The following HAL variants were observed in gnomAD, a reference collection of about 807,000 sequenced individuals.
HAL encodes the protein histidine ammonia-lyase.
Under a neutral mutation model 81.1 loss-of-function variants are expected in HAL, and 85 were observed. The ratio of observed to expected loss-of-function variants is 1.05; its 90% CI spans 0.88 to 1.25. The LOEUF (loss-of-function observed/expected upper bound fraction) is 1.25, where lower values mean the gene tolerates loss of function less well. Ranked by LOEUF, HAL falls within the 50% of genes most tolerant of loss-of-function variation. The pLI, the probability that HAL is intolerant of heterozygous loss-of-function variation, is 0.00. For missense variants in HAL, 798 were observed against 836.6 expected (o/e 0.95, Z 0.57); for synonymous variants, 301 against 309.2 (o/e 0.97, Z 0.28).
At position 95,995,813 on chromosome 12, in the gene HAL, C is replaced by T. The variant is rs1400933304; in HGVS notation, c.98G>A (p.Arg33Lys). 1 of 1,612,734 alleles carries T rather than the reference C, an allele frequency of 6.2e-7. No homozygotes were observed. Among genetic ancestry groups the T allele is most frequent in the Non-Finnish European group, 8.5e-7 (1 of 1,180,014 alleles). ...TVGWLGREAVRRYIKNKPDNG... is the reference protein window; with the variant it reads ...TVGWLGREAVKRYIKNKPDNG... Reference sequence around the variant, plus strand: ...GTCGGGCTTATTCTTGATATAGCGCCTCACGGCCTCCCGGCCCAGCCAGCC... The same window carrying T: ...GTCGGGCTTATTCTTGATATAGCGCTTCACGGCCTCCCGGCCCAGCCAGCC... The change falls in exon 2 of 21, where the codon AGG becomes AAG. Residue 33 changes from arginine to lysine, a missense_variant. Coordinates refer to ENST00000261208, the MANE Select transcript of HAL (RefSeq NM_002108.4).
intron 18 of HAL, 34 bp downstream of exon 18, chr12:95,977,910 G>A: frequency 1.9e-6 from 3 of 1,612,412 alleles, no homozygotes; most frequent in Non-Finnish European, 2.5e-6. Context: ...TGGTCTATCA[G>A]GCAGGCCCGC....
rs771890261 is a variant in HAL, at chr12:95,976,636, C to T, written c.1725G>A (p.Pro575=). The change falls in exon 19 of 21, where the codon CCG becomes CCA. Residue 575 remains proline, a synonymous_variant. Transcript: ENST00000261208. ...EFLRPLKTTT[P]LEKVYDLVRS... The stretch of plus-strand genomic sequence containing the variant: ...GCACCAGGTCATAGACCTTCTCCAG[C>T]GGAGTGGTTGTTTTCAGGGGACGTA... 7.4e-6 allele frequency: 12 copies of T among 1,612,664 alleles called. No homozygotes were observed. The East Asian group carries it at 2.0e-4, about 27-fold the overall frequency.
In HAL at chr12:95,973,768, C is replaced by A; in HGVS notation, c.*464G>T. ...TGAAGGCATATTAAGGCATATCATG[C>A]AAAGTAAAATTAGCCAAAGAAAGTC... On this transcript the variant is annotated 3_prime_UTR_variant, in exon 21 of 21. Transcript: ENST00000261208. 6.2e-6 allele frequency: 1 copy of A among 162,114 alleles called. No individual in the cohort carries two copies. The highest frequency in any genetic ancestry group is 1.5e-4 in the South Asian group (1 of 6,694). 10.0% of individuals were successfully genotyped at this position (162,114 alleles called of 1,614,324 possible).
chr12:95,994,028 G>A (rs769539188), intron 5 of HAL, 30 bp from the exon 6 acceptor site: 78 of 1,598,720 alleles, frequency 4.9e-5, no homozygotes, highest in Middle Eastern at 1.6e-4. Context: ...AACTGAGCAC[G>A]TTAAAGACTT....
Position 95,995,837 on chromosome 12 carries a change from C to G in HAL, c.74G>C (p.Gly25Ala). The change falls in exon 2 of 21, where the codon GGC becomes GCC. Residue 25 changes from glycine (G) to alanine (A), a missense_variant. Gly to Ala is a moderately conservative substitution (Grantham distance 60). Transcript: ENST00000261208. Reference protein sequence around the residue: ...VPCQDAQLTVGWLGREAVRRY... With the variant: ...VPCQDAQLTVAWLGREAVRRY... ...CCTCACGGCCTCCCGGCCCAGCCAG[C>G]CCACAGTGAGCTGCGCGTCCTGGCA... 6.2e-7 allele frequency: 1 copy of G among 1,611,498 alleles called. No individual in the cohort carries two copies. The highest frequency in any genetic ancestry group is 8.5e-7 in the Non-Finnish European group (1 of 1,179,998).
intron 14 of HAL, among the ~76,000 whole-genome samples, chr12:95,984,931 C>T (rs1030429381): frequency 1.3e-5 from 2 of 152,206 alleles, no homozygotes; most frequent in Non-Finnish European, 2.9e-5. Flanking sequence ...CTCTCTATTA[C>T]ACCATAGACT....
Position 95,977,925 on chromosome 12 carries a change from C to G in HAL, c.1654+19G>C. 1 of 1,613,842 alleles carries G rather than the reference C, an allele frequency of 6.2e-7. No individual in the cohort carries two copies. Among genetic ancestry groups the G allele is most frequent in the Non-Finnish European group, 8.5e-7 (1 of 1,179,834 alleles). The stretch of plus-strand genomic sequence containing the variant: ...TGGTCTATCAGGCAGGCCCGCCACC[C>G]CGAACTCATCAGCATTACCTTGCTC... On this transcript the variant is annotated intron_variant, in intron 18 of 20. Transcript: ENST00000261208.
At position 95,987,174 on chromosome 12, in the gene HAL, A is replaced by G. The variant is rs759343594; in HGVS notation, c.944T>C (p.Leu315Pro). The change falls in exon 12 of 21, where the codon CTG becomes CCG. Residue 315 changes from leucine to proline, a missense_variant. By Grantham distance (98) the Leu-to-Pro change is moderately conservative (BLOSUM62 -3). Transcript: ENST00000261208. ...LINGTQMITS[L>P]GCEAVERASA... ...GGCTCGCTCTACAGCTTCACAGCCC[A>G]GGGATGTGATCATCTGCGTCCCATT... is the stretch of plus-strand genomic sequence containing the variant. 5 of 1,613,098 alleles carry G rather than the reference A, an allele frequency of 3.1e-6. No homozygotes were observed. The highest frequency in any genetic ancestry group is 4.2e-6 in the Non-Finnish European group (5 of 1,179,028).
intron 17 of HAL, among the ~76,000 whole-genome samples, chr12:95,978,376 A>C (rs1195175652): frequency 6.6e-6 from 1 of 152,148 alleles, no homozygotes; most frequent in Non-Finnish European, 1.5e-5. Flanking sequence ...CATGCCAGGG[A>C]GACTAGGGGA....
At chr12:95,991,217 T>C (rs1318953661) in intron 9 of HAL, among the ~76,000 whole-genome samples, 2 of 152,156 alleles carry the variant, frequency 1.3e-5, no homozygotes, top group Non-Finnish European at 2.9e-5. Context: ...TTTAGCAATA[T>C]ATCTTGAAGA....
In HAL at chr12:95,995,743, G is replaced by T. The variant is rs764656901; in HGVS notation, c.168C>A (p.Arg56=). 21 of 1,613,558 alleles carry T rather than the reference G, an allele frequency of 1.3e-5. No individual in the cohort carries two copies. The Admixed American group carries it at 2.5e-4, about 19-fold the overall frequency. Residue 56 remains arginine (R), a synonymous_variant, in exon 2 of 21, where the codon CGC becomes CGA. Coordinates refer to ENST00000261208, the MANE Select transcript of HAL (RefSeq NM_002108.4). ...CCAGCAGGCCCAGGCCCTTGCACCG[G>T]CGCACAAGGAAGTGCGCGTCATCCA... The part of the protein sequence containing the change: ...TSVDDAHFLV[R]RCKGLGLLDN...
chr12:95,995,564 A>G (rs1592853083), intron 2 of HAL, 100 bp downstream of exon 2: 1 of 1,527,814 alleles, frequency 6.5e-7, no homozygotes, highest in East Asian at 2.3e-5. Flanking sequence ...GGCAAGCCTG[A>G]CCTCTGCTCA....
At position 95,995,978 on chromosome 12, in the gene HAL, C is replaced by A; in HGVS notation, c.-68G>T. 6.5e-7 allele frequency: 1 copy of A among 1,535,272 alleles called. No individual in the cohort carries two copies. Among genetic ancestry groups the A allele is most frequent in the Non-Finnish European group, 8.9e-7 (1 of 1,126,034 alleles). On this transcript the variant is annotated 5_prime_UTR_variant, in exon 2 of 21. Transcript: ENST00000261208. ...GAGAGCTTTATGCAGGAGTGGCTAC[C>A]GGGGTGTGGTCAGCTGGAAGGATGA...
rs533779510 is a variant in HAL, at chr12:95,975,400, G to A, written c.1834-1028C>T. ...ATCATCTCAAAGTAAGGCCCTGGAC[G>A]GGCATGGTGGCATGTGCCTGTAGTC... On this transcript the variant is annotated intron_variant, in intron 20 of 20. Transcript: ENST00000261208. Among the ~76,000 whole-genome samples the A allele has an allele frequency of 3.8e-4, 57 of 150,372 alleles. 1 individual carries two copies. Among genetic ancestry groups the A allele is most frequent in the African/African-American group, 1.3e-3 (51 of 40,718 alleles).
Position 95,985,957 on chromosome 12 carries a change from C to T in HAL, c.1157G>A (p.Arg386Lys). Reference protein sequence around the residue: ...HHPSEIAESHRFCDRVQDAYT... With the variant: ...HHPSEIAESHKFCDRVQDAYT... ...TGCATCCTGGACGCGATCACAGAAC[C>T]TGTGACTCTCTGTGGAAGAGGTGGA... Residue 386 changes from arginine (R) to lysine (K), a missense_variant, in exon 14 of 21, where the codon AGG (arginine) becomes AAG (lysine). Transcript: ENST00000261208. 6.2e-7 allele frequency: 1 copy of T among 1,611,776 alleles called. No homozygotes were observed. The highest frequency in any genetic ancestry group is 8.5e-7 in the Non-Finnish European group (1 of 1,178,056).
intron 12 of HAL, among the ~76,000 whole-genome samples, chr12:95,986,373 A>G (rs145207987): frequency 6.6e-6 from 1 of 152,308 alleles, no homozygotes; most frequent in African/African-American, 2.4e-5. Context: ...TCAATGGTTC[A>G]GGACCATCTA....
At position 95,973,131 on chromosome 12, in the gene HAL, C is replaced by T. The variant is rs530561585; in HGVS notation, c.*1101G>A. 6.6e-6 allele frequency: 1 copy of T among 152,204 alleles called. No individual in the cohort carries two copies. Among genetic ancestry groups the T allele is most frequent in the Non-Finnish European group, 1.5e-5 (1 of 68,042 alleles). 9.4% of individuals were successfully genotyped at this position (152,204 alleles called of 1,614,324 possible). On this transcript the variant is annotated 3_prime_UTR_variant, in exon 21 of 21. Transcript: ENST00000261208. ...GCAAGTGTGTCTGTCCTCCTCTCCA[C>T]CAGCTGTGGTTTTTAGAGCCACGGT...
At chr12:95,991,570 C>CA (rs1949970807) in intron 9 of HAL, among the ~76,000 whole-genome samples, 1 of 151,978 alleles carries the variant, frequency 6.6e-6, no homozygotes, top group African/African-American at 2.4e-5. Flanking sequence ...AAAAAGTTAC[C>CA]AAAAAAGAGG....
chr12:95,973,823 T>TAA lies in HAL; in HGVS notation c.*407_*408dup, dbSNP rs71307533. 142 of 150,392 alleles carry TAA rather than the reference T, an allele frequency of 9.4e-4. No homozygotes were observed. Among genetic ancestry groups the TAA allele is most frequent in the South Asian group, 2.9e-3 (16 of 5,464 alleles). 9.3% of individuals were successfully genotyped at this position (150,392 alleles called of 1,614,324 possible). A position where few individuals can be genotyped will look rare whatever the true frequency, so the allele number is the denominator to read the frequency against. On this transcript the variant is annotated 3_prime_UTR_variant, in exon 21 of 21. Coordinates refer to ENST00000261208, the MANE Select transcript of HAL (RefSeq NM_002108.4). ...GGTGGAGAGCTTGTTGAAGCAAATT[T>TAA]AAAAAAAAAAAAAAAGGTTAACAAA...
Sources: allele counts gnomAD v4.1 joint callset (sites outside exome capture counted in the v4.1 genomes callset), GRCh38; gene constraint gnomAD v4.1.1; transcripts MANE v1.5; gene names NCBI Gene and HGNC (gene_info 2026-07-23, HGNC 2026-07-21).